The following GDA variants were observed in gnomAD, a reference collection of about 807,000 sequenced individuals.
GDA encodes the protein cytoplasmic PSD-95 interactor.
A neutral mutation model predicts 59.6 loss-of-function variants in GDA; 18 were observed. The ratio of observed to expected loss-of-function variants is 0.30; its 90% confidence interval spans 0.21 to 0.45. The LOEUF (loss-of-function observed/expected upper bound fraction) is 0.45, where lower values mean the gene tolerates loss of function less well. Ranked by LOEUF, GDA falls within the 20% of genes least tolerant of loss-of-function variation. The pLI is 1.00. For missense variants in GDA, 427 were observed against 552.3 expected (o/e 0.77, Z 2.27); for synonymous variants, 201 against 201.1 (o/e 1.00, Z 0.00).
chr9:72,217,074 C>A (rs1224817174), intron 5 of GDA, among the ~76,000 whole-genome samples: 1 of 152,102 alleles, frequency 6.6e-6, no homozygotes, highest in African/African-American at 2.4e-5. Context: ...CGCAATAAAT[C>A]TACTAAAAAT....
chr9:72,225,922 G>A (rs1281791930), intron 8 of GDA, 138 bp downstream of exon 8: 1 of 529,284 alleles, frequency 1.9e-6, no homozygotes, highest in East Asian at 3.1e-5. Flanking sequence ...ATTTTTGTGG[G>A]TACACAGAAA....
intron 1 of GDA, among the ~76,000 whole-genome samples, chr9:72,176,324 T>C (rs1230165800): frequency 6.6e-6 from 1 of 152,242 alleles, no homozygotes; most frequent in Non-Finnish European, 1.5e-5. Flanking sequence ...GAAGCCATCC[T>C]TTTTATGAGC....
intron 5 of GDA, among the ~76,000 whole-genome samples, chr9:72,216,264 G>C (rs1836098083): frequency 6.6e-6 from 1 of 152,150 alleles, no homozygotes; most frequent in African/African-American, 2.4e-5. Flanking sequence ...AGGAGAAATG[G>C]GAACAGAACC....
At chr9:72,239,583 G>C (rs1839386897) in intron 10 of GDA, among the ~76,000 whole-genome samples, 2 of 152,064 alleles carry the variant, frequency 1.3e-5, no homozygotes, top group South Asian at 4.1e-4. Flanking sequence ...ATACCACATA[G>C]TGATATAATT....
At chr9:72,157,030 CTTTTTTTTTTTTT>C (rs544126638) in intron 1 of GDA, among the ~76,000 whole-genome samples, 1 of 104,074 alleles carries the variant, frequency 9.6e-6, no homozygotes, top group Non-Finnish European at 1.8e-5. Context: ...TCTAGACTTC[CTTTTTTTTTTTTT>C]TTTTTTTTTT....
chr9:72,217,458 G>A (rs906496607), intron 5 of GDA, among the ~76,000 whole-genome samples: 5 of 152,296 alleles, frequency 3.3e-5, no homozygotes, highest in Middle Eastern at 3.4e-3. Context: ...AACACACTGC[G>A]TCGAATTAAA....
chr9:72,174,763 G>A (rs61636424), intron 1 of GDA, among the ~76,000 whole-genome samples: 4 of 146,682 alleles, frequency 2.7e-5, no homozygotes, highest in Non-Finnish European at 4.5e-5. Context: ...TATATATATA[G>A]AGAGAGAGAG....
At chr9:72,138,982 CGTT>C (rs1157863313) in intron 1 of GDA, among the ~76,000 whole-genome samples, 3 of 152,142 alleles carry the variant, frequency 2.0e-5, no homozygotes, top group Non-Finnish European at 4.4e-5. Context: ...ACATCTGTAT[CGTT>C]GTATCTTTCC....
upstream of GDA, among the ~76,000 whole-genome samples, chr9:72,144,451 G>T (rs1826549733): frequency 6.6e-6 from 1 of 152,164 alleles, no homozygotes; most frequent in Non-Finnish European, 1.5e-5. Context: ...TACTCCTAGA[G>T]GTGGCAGAGA....
chr9:72,234,785 GA>G (rs1838766994), intron 10 of GDA, among the ~76,000 whole-genome samples: 1 of 152,094 alleles, frequency 6.6e-6, no homozygotes, highest in Admixed American at 6.6e-5. Context: ...TTGACACAAG[GA>G]AAAAAGTCAA....
At chr9:72,130,206 A>G (rs1030306463) in intron 1 of GDA, among the ~76,000 whole-genome samples, 2 of 152,198 alleles carry the variant, frequency 1.3e-5, no homozygotes, top group African/African-American at 2.4e-5. Context: ...TCCTTTATTC[A>G]TCATGAAGGA....
intron 1 of GDA, among the ~76,000 whole-genome samples, chr9:72,129,430 C>T (rs1023919612): frequency 1.3e-5 from 2 of 152,216 alleles, no homozygotes; most frequent in Non-Finnish European, 2.9e-5. Flanking sequence ...TCGCCTCACT[C>T]CACCTCCAGA....
rs143364725 is a variant in GDA, at chr9:72,137,242, C to CTTTTTTTTTTTTTTT, written c.-100+22416_-100+22430dup. On this transcript the variant is annotated intron_variant, in intron 1 of 13. Coordinates refer to the GDA transcript ENST00000545168. ...AAAATTAGGATCCTTTTCTTTTTTT[C>CTTTTTTTTTTTTTTT]TTTTTTTTTTTTTTTTTTTTTGAGA... Among the ~76,000 whole-genome samples the CTTTTTTTTTTTTTTT allele has an allele frequency of 7.4e-3, 626 of 84,458 alleles. 4 individuals carry two copies. The highest frequency in any genetic ancestry group is 9.0e-3 in the Non-Finnish European group (433 of 47,878). The allele number at this position is 84,458 out of a possible 152,430, so 55.4% of individuals were successfully genotyped here.
At chr9:72,151,616 G>GT (rs1002933807) in intron 1 of GDA, among the ~76,000 whole-genome samples, 20 of 147,860 alleles carry the variant, frequency 1.4e-4, no homozygotes, top group African/African-American at 2.5e-4. Flanking sequence ...TTTTTTGTTT[G>GT]TTTTTTTTTG....
chr9:72,141,806 C>T (rs1045796540), intron 1 of GDA, among the ~76,000 whole-genome samples: 15 of 152,234 alleles, frequency 9.9e-5, no homozygotes, highest in African/African-American at 3.6e-4. Context: ...GAATGAGAGC[C>T]TAATAGGATT....
rs17057547 is a variant in GDA, at chr9:72,245,402, G to A, written c.1266+124G>A. ...AATGCAGGAAAATCTTAAAATGGAC[G>A]CTAGAGCCCTTTGATAATTATTATA... On this transcript the variant is annotated intron_variant, in intron 12 of 13. Transcript: ENST00000358399. 2,550 of 662,464 alleles carry A rather than the reference G, an allele frequency of 3.8e-3. 58 individuals carry two copies. In the African/African-American group the frequency reaches 0.042, roughly 11 times the overall value. The allele number at this position is 662,464 out of a possible 1,614,324, so 41.0% of individuals were successfully genotyped here. A position where few individuals can be genotyped will look rare whatever the true frequency, so the allele number is the denominator to read the frequency against.
At chr9:72,166,990 T>C (rs1829395163) in intron 1 of GDA, among the ~76,000 whole-genome samples, 2 of 152,190 alleles carry the variant, frequency 1.3e-5, no homozygotes, top group Non-Finnish European at 2.9e-5. Context: ...CAGGCAAAGA[T>C]GATTTTGAAA....
At chr9:72,160,266 G>A (rs1363470505) in intron 1 of GDA, among the ~76,000 whole-genome samples, 2 of 152,250 alleles carry the variant, frequency 1.3e-5, no homozygotes, top group South Asian at 4.1e-4. Flanking sequence ...CCGAGATAGC[G>A]CTACTGCACT....
intron 10 of GDA, among the ~76,000 whole-genome samples, chr9:72,233,081 C>G (rs372634392): frequency 5.3e-4 from 80 of 152,270 alleles, no homozygotes; most frequent in African/African-American, 1.9e-3. Context: ...TTTAGTCACC[C>G]TCTACTCTAC....
Sources: allele counts gnomAD v4.1 joint callset (sites outside exome capture counted in the v4.1 genomes callset), GRCh38; gene constraint gnomAD v4.1.1; transcripts MANE v1.5; gene names NCBI Gene and HGNC (gene_info 2026-07-23, HGNC 2026-07-21).